HIP1: variants seen among roughly 807,000 people sequenced by gnomAD.
HIP1 encodes huntingtin interacting protein 1, also known as huntingtin-interacting protein 1.
In HIP1, 65 loss-of-function variants were observed where a neutral mutation model predicts 147.6. The observed-to-expected ratio is 0.44, with a 90% confidence interval of 0.36 to 0.54. The LOEUF is 0.54. Among genes scored for constraint, HIP1 ranks in the 20% least tolerant of loss-of-function variants. The pLI, the probability that HIP1 is intolerant of heterozygous loss-of-function variation, is 0.00. For missense variants in HIP1, 1,061 were observed against 1,299.6 expected (o/e 0.82, Z 2.82); for synonymous variants, 479 against 504.0 (o/e 0.95, Z 0.67).
intron 1 of HIP1, among the ~76,000 whole-genome samples, chr7:75,657,801 G>T (rs548008012): frequency 7.1e-4 from 108 of 152,084 alleles, no homozygotes; most frequent in African/African-American, 2.5e-3. Flanking sequence ...GGTATTATAT[G>T]GGCGATGGGA....
chr7:75,607,050 C>T (rs1406021436), intron 1 of HIP1, among the ~76,000 whole-genome samples: 2 of 151,246 alleles, frequency 1.3e-5, no homozygotes, highest in Non-Finnish European at 2.9e-5. Context: ...GGCAATAGAG[C>T]GAGACCCCAT....
chr7:75,570,080 C>G (rs587732973), intron 8 of HIP1, among the ~76,000 whole-genome samples: 1 of 151,808 alleles, frequency 6.6e-6, no homozygotes, highest in African/African-American at 2.4e-5. Flanking sequence ...ACTACAGGCG[C>G]GCGCCACCAC....
At chr7:75,726,026 C>T (rs1371719132) in intron 1 of HIP1, among the ~76,000 whole-genome samples, 1 of 151,998 alleles carries the variant, frequency 6.6e-6, no homozygotes, top group Non-Finnish European at 1.5e-5. Flanking sequence ...TGTAGTTTAG[C>T]TGAGACGCGG....
In HIP1 at chr7:75,710,032, C is replaced by T. The variant is rs186144609; in HGVS notation, c.120+28769G>A. On this transcript the variant is annotated intron_variant, in intron 1 of 30. Transcript: ENST00000336926. ...AACTACAGGCGCATGCTACCATGCC[C>T]GGCTAATTTTTCTTTTCTTTTTTAT... Among the ~76,000 whole-genome samples the T allele has an allele frequency of 1.5e-3, 222 of 152,034 alleles. 1 individual carries two copies. Among genetic ancestry groups the T allele is most frequent in the African/African-American group, 5.2e-3 (217 of 41,494 alleles).
chr7:75,674,492 G>C (rs919219009), intron 1 of HIP1, among the ~76,000 whole-genome samples: 8 of 75,424 alleles, frequency 1.1e-4, no homozygotes, highest in Non-Finnish European at 1.8e-4. Flanking sequence ...AAACTCTGCG[G>C]CTTTTTGTTT....
intron 1 of HIP1, among the ~76,000 whole-genome samples, chr7:75,678,812 C>A (rs1799976632): frequency 6.6e-6 from 1 of 152,114 alleles, no homozygotes; most frequent in Non-Finnish European, 1.5e-5. Context: ...GGCTTGCAGG[C>A]CACTGCATCA....
chr7:75,668,261 C>T (rs1584936106), intron 1 of HIP1, among the ~76,000 whole-genome samples: 1 of 152,172 alleles, frequency 6.6e-6, no homozygotes, highest in African/African-American at 2.4e-5. Flanking sequence ...GGGAGTGTCC[C>T]TCCTCCTGTT....
In HIP1 at chr7:75,559,793, G is replaced by C. The variant is rs781976191; in HGVS notation, c.1314C>G (p.Asp438Glu). 6.2e-7 allele frequency: 1 copy of C among 1,609,146 alleles called. No individual in the cohort carries two copies. Among genetic ancestry groups the C allele is most frequent in the Non-Finnish European group, 8.5e-7 (1 of 1,179,078 alleles). Residue 438 changes from aspartate to glutamate, a missense_variant, in exon 14 of 31, where the codon GAC (aspartate) becomes GAG (glutamate). By Grantham distance (45) the Asp-to-Glu change is conservative (BLOSUM62 2). Coordinates refer to ENST00000336926, the MANE Select transcript of HIP1 (RefSeq NM_005338.7). ...TGTCCTCCCGCTGCCTCCTGAGCTC[G>C]TCCAGTTCTGCCCGCAGGAATTCAC... ...DDCEFLRAELDELRRQREDTE... is the reference protein window; with the variant it reads ...DDCEFLRAELEELRRQREDTE...
At chr7:75,577,347 G>A (rs1334007672) in intron 7 of HIP1, among the ~76,000 whole-genome samples, 3 of 109,556 alleles carry the variant, frequency 2.7e-5, no homozygotes, top group Non-Finnish European at 3.9e-5. Context: ...AAAAAAAAAC[G>A]AGAGAGAGAG....
chr7:75,637,460 T>A (rs905887929), intron 1 of HIP1, among the ~76,000 whole-genome samples: 1 of 151,746 alleles, frequency 6.6e-6, no homozygotes, highest in African/African-American at 2.4e-5. Context: ...ATGAGTCTTC[T>A]GGTCTTGCTC....
chr7:75,603,168 G>A (rs963588262), intron 1 of HIP1, among the ~76,000 whole-genome samples: 14 of 151,850 alleles, frequency 9.2e-5, no homozygotes, highest in Non-Finnish European at 1.5e-4. Flanking sequence ...CCAACACAGC[G>A]AAACCGTGTC....
intron 1 of HIP1, among the ~76,000 whole-genome samples, chr7:75,712,105 AC>A (rs1801179965): frequency 1.3e-5 from 2 of 152,168 alleles, no homozygotes; most frequent in African/African-American, 4.8e-5. Flanking sequence ...TATAATTAAA[AC>A]ATTGACACCT....
intron 1 of HIP1, among the ~76,000 whole-genome samples, chr7:75,682,516 T>A (rs782656276): frequency 6.6e-6 from 1 of 151,204 alleles, no homozygotes; most frequent in African/African-American, 2.4e-5. Context: ...TGCTTCAGCC[T>A]CCCAAAGTGC....
intron 1 of HIP1, among the ~76,000 whole-genome samples, chr7:75,613,744 C>T (rs1797528710): frequency 6.6e-6 from 1 of 152,210 alleles, no homozygotes; most frequent in African/African-American, 2.4e-5. Flanking sequence ...CTCCACCCTA[C>T]TGTCTGCCTC....
intron 12 of HIP1, 86 bp from the exon 13 acceptor site, chr7:75,561,487 G>T: frequency 1.1e-6 from 1 of 879,232 alleles, no homozygotes; most frequent in Non-Finnish European, 1.9e-6. Context: ...GAAATTAAAA[G>T]CTGGTATTAA....
chr7:75,616,106 A>AAAAAAAAAAG (rs1797650689), intron 1 of HIP1, among the ~76,000 whole-genome samples: 1 of 146,062 alleles, frequency 6.8e-6, no homozygotes, highest in Admixed American at 6.9e-5. Flanking sequence ...AAAAAAAAAA[A>AAAAAAAAAAG]GAAAAGATAA....
At chr7:75,625,902 C>CT (rs1798018523) in intron 1 of HIP1, 2 of 151,912 alleles carry the variant, frequency 1.3e-5, no homozygotes, top group African/African-American at 4.8e-5. Context: ...GAATCCCTGT[C>CT]TCTTAAAAAA....
chr7:75,543,065 ATG>A, intron 27 of HIP1, 91 bp from the exon 28 acceptor site: 2 of 1,381,394 alleles, frequency 1.4e-6, no homozygotes, highest in Non-Finnish European at 2.0e-6. Context: ...TAGCAAACAT[ATG>A]TGGGCCAAAC....
At chr7:75,559,703 G>GGCCCCCC in intron 14 of HIP1, 29 bp downstream of exon 14, 26 of 1,195,136 alleles carry the variant, frequency 2.2e-5, no homozygotes, top group South Asian at 1.1e-4. Context: ...TGCCCCCGGG[G>GGCCCCCC]CCCGCCCCCG....
Sources: allele counts gnomAD v4.1 joint callset (sites outside exome capture counted in the v4.1 genomes callset), GRCh38; gene constraint gnomAD v4.1.1; transcripts MANE v1.5; gene names NCBI Gene and HGNC (gene_info 2026-07-23, HGNC 2026-07-21).